Variants in CNTFR observed in about 807,000 individuals in gnomAD.
CNTFR encodes ciliary neurotrophic factor receptor subunit alpha.
In CNTFR, 12 loss-of-function variants were observed where a neutral mutation model predicts 40.4. The observed-to-expected ratio is 0.30, with a 90% CI of 0.19 to 0.48. CNTFR has a LOEUF of 0.48. CNTFR is among the 20% of genes least tolerant of loss of function. The pLI is 0.99. For missense variants in CNTFR, 414 were observed against 506.8 expected (o/e 0.82, Z 1.76); for synonymous variants, 202 against 209.6 (o/e 0.96, Z 0.31).
At position 34,557,732 on chromosome 9, in the gene CNTFR, A is replaced by C; in HGVS notation, c.438-40T>G. 6.2e-7 allele frequency: 1 copy of C among 1,612,326 alleles called. No individual in the cohort carries two copies. Among genetic ancestry groups the C allele is most frequent in the Non-Finnish European group, 8.5e-7 (1 of 1,178,464 alleles). Reference sequence around the variant, plus strand: ...GACCCAGGCACTGTTACGAACATCAAGGGTCAGGTGGGGCAGAGGTTGAGG... The same window carrying C: ...GACCCAGGCACTGTTACGAACATCACGGGTCAGGTGGGGCAGAGGTTGAGG... On this transcript the variant is annotated intron_variant, in intron 5 of 9. Transcript: ENST00000378980. This position sits in a 1 kb window ranked among gnomAD's most constrained non-coding sequence, Gnocchi z 4.2.
chr9:34,557,345 C>A lies in CNTFR; in HGVS notation c.604+181G>T, dbSNP rs1344314425. Among the ~76,000 whole-genome samples, 1 of 152,178 alleles carries A rather than the reference C, an allele frequency of 6.6e-6. No homozygotes were observed. The highest frequency in any genetic ancestry group is 6.5e-5 in the Admixed American group (1 of 15,292). On this transcript the variant is annotated intron_variant, in intron 6 of 9. Transcript: ENST00000378980. The surrounding 1 kb of genome is among the most constrained non-coding windows in gnomAD (Gnocchi z 4.2). ...TTCAGGTAAAGGACATTCACTTACA[C>A]GTTCACAGGTGTATATGTCATGCAT...
At chr9:34,556,447 C>T (rs1456335966) in intron 6 of CNTFR, 29 bp from the exon 7 acceptor site, 1 of 1,556,940 alleles carries the variant, frequency 6.4e-7, no homozygotes, top group South Asian at 1.2e-5. Flanking sequence ...TTCATTACTA[C>T]ACTAATCACT....
Position 34,552,059 on chromosome 9 carries a change from G to T in CNTFR, c.*12C>A. ...CTGCAGGTGCTCTGCATGTCCTCAT[G>T]GGGTGCCGGGCTCTGTAGAGACAGG... On this transcript the variant is annotated 3_prime_UTR_variant, in exon 10 of 10. Coordinates refer to ENST00000378980, the MANE Select transcript of CNTFR (RefSeq NM_147164.3). The surrounding 1 kb of genome is among the most constrained non-coding windows in gnomAD (Gnocchi z 5.1). The T allele has an allele frequency of 6.9e-7, 1 of 1,439,520 alleles. No individual in the cohort carries two copies. Among genetic ancestry groups the T allele is most frequent in the Non-Finnish European group, 9.7e-7 (1 of 1,027,860 alleles). The allele number at this position is 1,439,520 out of a possible 1,614,324, so 89.2% of individuals were successfully genotyped here.
chr9:34,565,336 C>A (rs1231837986), intron 3 of CNTFR, among the ~76,000 whole-genome samples: 1 of 152,056 alleles, frequency 6.6e-6, no homozygotes, highest in African/African-American at 2.4e-5. Flanking sequence ...CTCTTCCCCA[C>A]CCCATCCTTG....
intron 7 of CNTFR, among the ~76,000 whole-genome samples, chr9:34,555,909 T>G (rs1189525251): frequency 1.6e-5 from 1 of 61,576 alleles, no homozygotes. Flanking sequence ...CCCCGCCATC[T>G]CCCTCCCCTG....
intron 2 of CNTFR, among the ~76,000 whole-genome samples, chr9:34,578,887 C>T (rs984355388): frequency 6.6e-6 from 1 of 152,212 alleles, no homozygotes; most frequent in Non-Finnish European, 1.5e-5. Flanking sequence ...ACCCGTCCTC[C>T]AGTTACTTTC....
chr9:34,589,066 C>T lies in CNTFR; in HGVS notation c.-112+489G>A, dbSNP rs1827666704. On this transcript the variant is annotated intron_variant, in intron 1 of 9. Transcript: ENST00000378980. The surrounding 1 kb of genome is among the most constrained non-coding windows in gnomAD (Gnocchi z 4.4). ...CGACCGACACACACATGCACACACA[C>T]ACGCGCGCGCGGGCGCGCGGATTCA... 6.6e-6 allele frequency among the ~76,000 whole-genome samples: 1 copy of T among 152,050 alleles called. No homozygotes were observed. The highest frequency in any genetic ancestry group is 1.5e-5 in the Non-Finnish European group (1 of 68,030).
At chr9:34,571,177 G>A (rs1280585267) in intron 2 of CNTFR, among the ~76,000 whole-genome samples, 1 of 152,176 alleles carries the variant, frequency 6.6e-6, no homozygotes, top group Non-Finnish European at 1.5e-5. Flanking sequence ...CCAGCAAGCC[G>A]TGCAGCCAGG....
intron 2 of CNTFR, among the ~76,000 whole-genome samples, chr9:34,573,066 A>G (rs749683413): frequency 6.6e-6 from 1 of 152,326 alleles, no homozygotes; most frequent in African/African-American, 2.4e-5. Context: ...GCTCCAGGTC[A>G]GGAACCCCTG....
At chr9:34,588,022 T>C (rs533593207) in intron 1 of CNTFR, among the ~76,000 whole-genome samples, 1 of 152,308 alleles carries the variant, frequency 6.6e-6, no homozygotes, top group South Asian at 2.1e-4. Flanking sequence ...AGTGTCCCAG[T>C]GTGCATCTGA....
Position 34,552,538 on chromosome 9 carries a change from G to T in CNTFR, c.949+136C>A. 9.4e-7 allele frequency: 1 copy of T among 1,061,810 alleles called. No individual in the cohort carries two copies. Among genetic ancestry groups the T allele is most frequent in the Non-Finnish European group, 1.3e-6 (1 of 751,212 alleles). The allele number at this position is 1,061,810 out of a possible 1,614,324, so 65.8% of individuals were successfully genotyped here. On this transcript the variant is annotated intron_variant, in intron 8 of 9. Transcript: ENST00000378980. The surrounding 1 kb of genome is among the most constrained non-coding windows in gnomAD (Gnocchi z 5.1). Reference sequence around the variant, plus strand: ...AGATAGCAAGGACCAGGAATGGCAGGAGTTGGACAGACAGGCAGAAGTGTG... The same window carrying T: ...AGATAGCAAGGACCAGGAATGGCAGTAGTTGGACAGACAGGCAGAAGTGTG...
rs535870174 is a variant in CNTFR at position 34,552,612 on chromosome 9, C to T, written c.949+62G>A. 4 of 1,541,866 alleles carry T rather than the reference C, an allele frequency of 2.6e-6. No individual in the cohort carries two copies. In the South Asian group the frequency reaches 4.7e-5, roughly 18 times the overall value. ...GAGGCAGCAGGGTAGAACCAGGCCA[C>T]AGGTTCTACCACAGGCCTCCAGGAC... On this transcript the variant is annotated intron_variant, in intron 8 of 9. Transcript: ENST00000378980. This position sits in a 1 kb window ranked among gnomAD's most constrained non-coding sequence, Gnocchi z 5.1.
At chr9:34,585,892 C>G (rs982764470) in intron 1 of CNTFR, among the ~76,000 whole-genome samples, 2 of 152,204 alleles carry the variant, frequency 1.3e-5, no homozygotes, top group Non-Finnish European at 2.9e-5. Flanking sequence ...CAAAGAAAAT[C>G]CACTCCATAT....
intron 1 of CNTFR, among the ~76,000 whole-genome samples, chr9:34,587,733 A>T (rs893967894): frequency 6.6e-6 from 1 of 152,028 alleles, no homozygotes; most frequent in Non-Finnish European, 1.5e-5. Flanking sequence ...TGTGAATCGG[A>T]GTGAGCATGA....
At chr9:34,558,075 T>TC (rs1306081466) in intron 4 of CNTFR, 91 bp from the exon 5 acceptor site, 16 of 924,958 alleles carry the variant, frequency 1.7e-5, no homozygotes, top group Admixed American at 2.8e-5. Flanking sequence ...GCCCCAGCTC[T>TC]CCCCCCTCAA....
chr9:34,557,805 G>T lies in CNTFR; in HGVS notation c.437+62C>A. 6.5e-7 allele frequency: 1 copy of T among 1,541,190 alleles called. No individual in the cohort carries two copies. The highest frequency in any genetic ancestry group is 1.2e-5 in the South Asian group (1 of 83,914). On this transcript the variant is annotated intron_variant, in intron 5 of 9. Coordinates refer to ENST00000378980, the MANE Select transcript of CNTFR (RefSeq NM_147164.3). This position sits in a 1 kb window ranked among gnomAD's most constrained non-coding sequence, Gnocchi z 4.2. ...CTGGGGTATGGACAGAGGGCATGGT[G>T]GTGGGATGGGGGAGAGGTCAGAGGT...
chr9:34,554,420 C>G (rs1250545085), intron 7 of CNTFR, among the ~76,000 whole-genome samples: 1 of 152,176 alleles, frequency 6.6e-6, no homozygotes, highest in Non-Finnish European at 1.5e-5. Context: ...GGTCAGTGCT[C>G]TCCTCGGGGC....
chr9:34,575,691 A>ACC, intron 2 of CNTFR, among the ~76,000 whole-genome samples: 1 of 42,410 alleles, frequency 2.4e-5, no homozygotes, highest in African/African-American at 9.1e-5. Context: ...ACCCACCCAC[A>ACC]CACACACACA....
intron 2 of CNTFR, among the ~76,000 whole-genome samples, chr9:34,572,834 G>T (rs985481365): frequency 6.6e-6 from 1 of 152,208 alleles, no homozygotes; most frequent in Non-Finnish European, 1.5e-5. Context: ...ACGGGGCAAT[G>T]ATACCAGTTG....
Sources: gnomAD v4.1 joint callset for allele counts (sites outside exome capture counted in the v4.1 genomes callset) on GRCh38, gnomAD v4.1.1 for gene constraint, Gnocchi (gnomAD v3.1) non-coding constraint, MANE v1.5 for transcripts, NCBI Gene and HGNC (gene_info 2026-07-23, HGNC 2026-07-21) for gene names.